The following GPR152 variants were observed in gnomAD, a reference collection of about 807,000 sequenced individuals.
The protein encoded by GPR152 is G protein-coupled receptor 152.
For missense variants in GPR152, 549 were observed against 617.2 expected, an observed-to-expected ratio of 0.89 and a Z score of 1.17; for synonymous variants, 278 against 289.0, an observed-to-expected ratio of 0.96 and a Z score of 0.39.
In GPR152 at chr11:67,452,466, G is replaced by C; in HGVS notation, c.259C>G (p.Gln87Glu). ...CCCCCATGCCGGATCTCTAGGATCT[G>C]GAAGGCCGCTGCTGCCAGGAACAAG... ...DFLFLAAAAFQILEIRHGGHW... is the reference protein window; with the variant it reads ...DFLFLAAAAFEILEIRHGGHW... Residue 87 changes from glutamine to glutamate, a missense_variant, in exon 1 of 1, where the codon CAG becomes GAG. Transcript: ENST00000312457. 6.2e-7 allele frequency: 1 copy of C among 1,612,104 alleles called. No individual in the cohort carries two copies.
In GPR152 at chr11:67,452,323, C is replaced by T. The variant is rs763037504; in HGVS notation, c.402G>A (p.Leu134=). ...GGTGCCCAGGGTACCAGTGTGGGCA[C>T]AGCGCCAGCAGGCAGCGGTCGAGGC... The part of the protein sequence containing the change: ...ALSLDRCLLA[L]CPHWYPGHRP... The change falls in exon 1 of 1, where the codon CTG becomes CTA. Residue 134 remains leucine, a synonymous_variant. Transcript: ENST00000312457. 3 of 1,610,692 alleles carry T rather than the reference C, an allele frequency of 1.9e-6. No individual in the cohort carries two copies. The highest frequency in any genetic ancestry group is 1.7e-5 in the Admixed American group (1 of 59,830).
Position 67,452,263 on chromosome 11 carries a change from A to G in GPR152, c.462T>C (p.Gly154=). Residue 154 remains glycine, a synonymous_variant, in exon 1 of 1, where the codon GGT becomes GGC. Transcript: ENST00000312457. ...PVRLPLWVCA[G]VWVLATLFSV... The stretch of plus-strand genomic sequence containing the variant: ...TGAAGAGTGTGGCCAGCACCCAGAC[A>G]CCGGCGCAGACCCAGAGGGGCAGGC... 1 of 1,610,584 alleles carries G rather than the reference A, an allele frequency of 6.2e-7. No homozygotes were observed. The highest frequency in any genetic ancestry group is 8.5e-7 in the Non-Finnish European group (1 of 1,179,882).
Position 67,451,346 on chromosome 11 carries a change from G to T in GPR152, c.1379C>A (p.Pro460Gln). ...ASEGESPSST[P>Q]PEAAPGAGPT ...GCCTGCGCCCGGGGCCGCCTCTGGC[G>T]GGGTGCTGCTGGGGCTTTCTCCTTC... The change falls in exon 1 of 1, where the codon CCG (proline) becomes CAG (glutamine). Residue 460 changes from proline (P) to glutamine (Q), a missense_variant. Coordinates refer to ENST00000312457, the MANE Select transcript of GPR152 (RefSeq NM_206997.1). 1 of 1,596,860 alleles carries T rather than the reference G, an allele frequency of 6.3e-7. No homozygotes were observed. The highest frequency in any genetic ancestry group is 8.5e-7 in the Non-Finnish European group (1 of 1,171,002).
Position 67,451,793 on chromosome 11 carries a change from G to A in GPR152, c.932C>T (p.Ser311Leu), listed in dbSNP as rs200565832. 1.0e-4 allele frequency: 169 copies of A among 1,613,188 alleles called. No individual in the cohort carries two copies. The highest frequency in any genetic ancestry group is 1.6e-4 in the Middle Eastern group (1 of 6,082). The stretch of plus-strand genomic sequence containing the variant: ...CTCGCAGAGAGCTGCCGCGAAGGAC[G>A]AGAGCACGGAGCGCAGCAGGGTCCG... ...DLRTLLRSVLSSFAAALCEER... is the reference protein window; with the variant it reads ...DLRTLLRSVLLSFAAALCEER... The change falls in exon 1 of 1, where the codon TCG (serine) becomes TTG (leucine). Residue 311 changes from serine (S) to leucine (L), a missense_variant. Transcript: ENST00000312457.
rs772302881 is a variant in GPR152, at chr11:67,452,494, G to A, written c.231C>T (p.Asp77=). Residue 77 remains aspartate (D), a synonymous_variant, in exon 1 of 1, where the codon GAC becomes GAT. Transcript: ENST00000312457. ...AGGCCGCTGCTGCCAGGAACAAGAAGTCAGAGAGGGCCAGGCTGAGCAGGA... is the reference window on the plus strand; with the variant it reads ...AGGCCGCTGCTGCCAGGAACAAGAAATCAGAGAGGGCCAGGCTGAGCAGGA... ...ALLLLSLALS[D]FLFLAAAAFQ... The A allele has an allele frequency of 2.5e-6, 4 of 1,611,282 alleles. No homozygotes were observed. Among genetic ancestry groups the A allele is most frequent in the Non-Finnish European group, 3.4e-6 (4 of 1,179,208 alleles).
rs146535354 is a variant in GPR152, at chr11:67,452,015, C to T, written c.710G>A (p.Arg237His). The change falls in exon 1 of 1, where the codon CGT (arginine) becomes CAT (histidine). Residue 237 changes from arginine to histidine, a missense_variant. Transcript: ENST00000312457. ...GGCTGACAGAATGGTCCTGGCCACA[C>T]GGGCGAAGCCCCGGCAGGCTGCGGG... ...QQPAACRGFA[R>H]VARTILSAYV... 98 of 1,611,904 alleles carry T rather than the reference C, an allele frequency of 6.1e-5. No individual in the cohort carries two copies. The highest frequency in any genetic ancestry group is 2.8e-4 in the African/African-American group (21 of 75,064).
rs751632699 is a variant in GPR152, at chr11:67,451,352, C to G, written c.1373G>C (p.Ser458Thr). The change falls in exon 1 of 1, where the codon AGC becomes ACC. Residue 458 changes from serine (S) to threonine (T), a missense_variant. Physicochemically the swap from Ser to Thr is moderately conservative, Grantham distance 58. Coordinates refer to ENST00000312457, the MANE Select transcript of GPR152 (RefSeq NM_206997.1). ...PPASEGESPS[S>T]TPPEAAPGAG... The stretch of plus-strand genomic sequence containing the variant: ...GCCCGGGGCCGCCTCTGGCGGGGTG[C>G]TGCTGGGGCTTTCTCCTTCAGAGGC... The G allele has an allele frequency of 6.9e-6, 11 of 1,601,532 alleles. No individual in the cohort carries two copies. Among genetic ancestry groups the G allele is most frequent in the Admixed American group, 6.8e-5 (4 of 59,142 alleles).
At position 67,452,101 on chromosome 11, in the gene GPR152, C is replaced by T; in HGVS notation, c.624G>A (p.Leu208=). The change falls in exon 1 of 1, where the codon CTG becomes CTA. Residue 208 remains leucine (L), a synonymous_variant. Transcript: ENST00000312457. The part of the protein sequence containing the change: ...VLGGFLPFLL[L]LVCHVLTQAT... ...CCTGGGTGAGCACGTGGCAGACGAG[C>T]AGCAGGAGGAAAGGCAGGAAGCCCC... The T allele has an allele frequency of 6.2e-7, 1 of 1,611,978 alleles. No homozygotes were observed. The highest frequency in any genetic ancestry group is 8.5e-7 in the Non-Finnish European group (1 of 1,179,836).
Position 67,452,250 on chromosome 11 carries a change from C to A in GPR152, c.475G>T (p.Ala159Ser). 1 of 1,610,072 alleles carries A rather than the reference C, an allele frequency of 6.2e-7. No homozygotes were observed. ...LWVCAGVWVL[A>S]TLFSVPWLVF... ...AGCCAGGGCACGCTGAAGAGTGTGG[C>A]CAGCACCCAGACACCGGCGCAGACC... Residue 159 changes from alanine to serine, a missense_variant, in exon 1 of 1, where the codon GCC (alanine) becomes TCC (serine). Coordinates refer to ENST00000312457, the MANE Select transcript of GPR152 (RefSeq NM_206997.1).
chr11:67,451,913 T>C lies in GPR152; in HGVS notation c.812A>G (p.Tyr271Cys). ...GTAGACCAGGGCCTCCCAGAGCAGG[T>C]AGCCAGAGTAGACGTCCCACAGGAA... ...LAFLWDVYSG[Y>C]LLWEALVYSD... Residue 271 changes from tyrosine to cysteine, a missense_variant, in exon 1 of 1, where the codon TAC becomes TGC. Coordinates refer to ENST00000312457, the MANE Select transcript of GPR152 (RefSeq NM_206997.1). The C allele has an allele frequency of 6.2e-7, 1 of 1,610,874 alleles. No homozygotes were observed. Among genetic ancestry groups the C allele is most frequent in the Non-Finnish European group, 8.5e-7 (1 of 1,179,976 alleles).
chr11:67,452,075 G>A lies in GPR152; in HGVS notation c.650C>T (p.Ala217Val). ...LLLVCHVLTQ[A>V]TACRTCHRQQ... ...GCGGTGGCAGGTGCGACAGGCTGTG[G>A]CCTGGGTGAGCACGTGGCAGACGAG... is the stretch of plus-strand genomic sequence containing the variant. The change falls in exon 1 of 1, where the codon GCC becomes GTC. Residue 217 changes from alanine (A) to valine (V), a missense_variant. By Grantham distance (64) the Ala-to-Val change is moderately conservative. Coordinates refer to ENST00000312457, the MANE Select transcript of GPR152 (RefSeq NM_206997.1). The A allele has an allele frequency of 6.2e-7, 1 of 1,612,060 alleles. No individual in the cohort carries two copies. The highest frequency in any genetic ancestry group is 8.5e-7 in the Non-Finnish European group (1 of 1,179,820).
chr11:67,451,495 A>G lies in GPR152; in HGVS notation c.1230T>C (p.Thr410=), dbSNP rs149975859. ...CAGCAGGTGCAGGGGTCTGGACGTT[A>G]GTGTCTGCCTGTGGCTGGGCCACAG... ...SDSVAQPQAD[T]NVQTPAPAAS... The change falls in exon 1 of 1, where the codon ACT becomes ACC. Residue 410 remains threonine (T), a synonymous_variant. Transcript: ENST00000312457. The G allele has an allele frequency of 9.3e-5, 150 of 1,614,140 alleles. No homozygotes were observed. In the African/African-American group the frequency reaches 1.9e-3, roughly 20 times the overall value.
At position 67,452,253 on chromosome 11, in the gene GPR152, G is replaced by C. The variant is rs1167246383; in HGVS notation, c.472C>G (p.Leu158Val). Residue 158 changes from leucine to valine, a missense_variant, in exon 1 of 1, where the codon CTG becomes GTG. Physicochemically the swap from Leu to Val is conservative, Grantham distance 32. Transcript: ENST00000312457. The part of the protein sequence containing the change: ...PLWVCAGVWV[L>V]ATLFSVPWLV... The stretch of plus-strand genomic sequence containing the variant: ...CAGGGCACGCTGAAGAGTGTGGCCA[G>C]CACCCAGACACCGGCGCAGACCCAG... 6 of 1,610,102 alleles carry C rather than the reference G, an allele frequency of 3.7e-6. No homozygotes were observed. The highest frequency in any genetic ancestry group is 5.1e-6 in the Non-Finnish European group (6 of 1,179,938).
rs369261958 is a variant in GPR152 at position 67,451,927 on chromosome 11, G to A, written c.798C>T (p.Asp266=). 1.8e-5 allele frequency: 29 copies of A among 1,610,364 alleles called. No individual in the cohort carries two copies. Among genetic ancestry groups the A allele is most frequent in the African/African-American group, 2.7e-5 (2 of 74,920 alleles). The change falls in exon 1 of 1, where the codon GAC becomes GAT. Residue 266 remains aspartate, a synonymous_variant. Transcript: ENST00000312457. Reference sequence around the variant, plus strand: ...CCCAGAGCAGGTAGCCAGAGTAGACGTCCCACAGGAAGGCCAGGTAGAGCA... The same window carrying A: ...CCCAGAGCAGGTAGCCAGAGTAGACATCCCACAGGAAGGCCAGGTAGAGCA... The part of the protein sequence containing the change: ...AQLLYLAFLW[D]VYSGYLLWEA...
Position 67,451,959 on chromosome 11 carries a change from C to A in GPR152, c.766G>T (p.Ala256Ser). ...YVVLRLPYQLAQLLYLAFLWD... is the reference protein window; with the variant it reads ...YVVLRLPYQLSQLLYLAFLWD... ...AGGAAGGCCAGGTAGAGCAGCTGGG[C>A]CAGCTGGTAGGGCAGCCTCAGGACC... The change falls in exon 1 of 1, where the codon GCC becomes TCC. Residue 256 changes from alanine to serine, a missense_variant. Ala to Ser is a moderately conservative substitution (Grantham distance 99). Coordinates refer to ENST00000312457, the MANE Select transcript of GPR152 (RefSeq NM_206997.1). 6.2e-7 allele frequency: 1 copy of A among 1,610,468 alleles called. No homozygotes were observed. The highest frequency in any genetic ancestry group is 8.5e-7 in the Non-Finnish European group (1 of 1,179,998).
In GPR152 at chr11:67,451,732, C is replaced by G. The variant is rs1300101992; in HGVS notation, c.993G>C (p.Gln331His). 4 of 1,613,682 alleles carry G rather than the reference C, an allele frequency of 2.5e-6. No individual in the cohort carries two copies. The highest frequency in any genetic ancestry group is 3.4e-6 in the Non-Finnish European group (4 of 1,180,030). ...RPGSFTPTEP[Q>H]TQLDSEGPTL... The stretch of plus-strand genomic sequence containing the variant: ...TTGGACCCTCAGAATCTAGCTGGGT[C>G]TGTGGCTCAGTGGGCGTGAAGCTGC... The change falls in exon 1 of 1, where the codon CAG becomes CAC. Residue 331 changes from glutamine to histidine, a missense_variant. Coordinates refer to ENST00000312457, the MANE Select transcript of GPR152 (RefSeq NM_206997.1).
Position 67,451,885 on chromosome 11 carries a change from G to A in GPR152, c.840C>T (p.Ser280=), listed in dbSNP as rs778821681. Residue 280 remains serine (S), a synonymous_variant, in exon 1 of 1, where the codon TCC becomes TCT. Coordinates refer to ENST00000312457, the MANE Select transcript of GPR152 (RefSeq NM_206997.1). ...AGCTGTTGAGTAGGATCAGGTAGTC[G>A]GAGTAGACCAGGGCCTCCCAGAGCA... is the stretch of plus-strand genomic sequence containing the variant. ...GYLLWEALVY[S]DYLILLNSCL... 32 of 1,612,298 alleles carry A rather than the reference G, an allele frequency of 2.0e-5. No individual in the cohort carries two copies. Among genetic ancestry groups the A allele is most frequent in the East Asian group, 4.5e-5 (2 of 44,892 alleles).
Position 67,451,348 on chromosome 11 carries a change from G to A in GPR152, c.1377C>T (p.Thr459=), listed in dbSNP as rs758424786. 1.3e-6 allele frequency: 2 copies of A among 1,598,148 alleles called. No homozygotes were observed. The highest frequency in any genetic ancestry group is 1.7e-5 in the Admixed American group (1 of 58,616). Reference sequence around the variant, plus strand: ...CTGCGCCCGGGGCCGCCTCTGGCGGGGTGCTGCTGGGGCTTTCTCCTTCAG... The same window carrying A: ...CTGCGCCCGGGGCCGCCTCTGGCGGAGTGCTGCTGGGGCTTTCTCCTTCAG... ...PASEGESPSS[T]PPEAAPGAGP... is the part of the protein sequence containing the mutation. Residue 459 remains threonine, a synonymous_variant, in exon 1 of 1, where the codon ACC becomes ACT. Coordinates refer to ENST00000312457, the MANE Select transcript of GPR152 (RefSeq NM_206997.1).
Position 67,451,552 on chromosome 11 carries a change from C to T in GPR152, c.1173G>A (p.Gln391=). 1.2e-6 allele frequency: 2 copies of T among 1,613,870 alleles called. No individual in the cohort carries two copies. Among genetic ancestry groups the T allele is most frequent in the Non-Finnish European group, 8.5e-7 (1 of 1,179,968 alleles). Reference sequence around the variant, plus strand: ...ACTGTGGCTGGGCCATGAGGTTCAGCTGTGGCTGGGCTGTGGGATCCGACT... The same window carrying T: ...ACTGTGGCTGGGCCATGAGGTTCAGTTGTGGCTGGGCTGTGGGATCCGACT... The part of the protein sequence containing the change: ...QPQSDPTAQP[Q]LNLMAQPQSD... The change falls in exon 1 of 1, where the codon CAG becomes CAA. Residue 391 remains glutamine, a synonymous_variant. Transcript: ENST00000312457.
Sources: allele counts gnomAD v4.1 joint callset, GRCh38; gene constraint gnomAD v4.1.1; transcripts MANE v1.5; gene names NCBI Gene and HGNC (gene_info 2026-07-23, HGNC 2026-07-21).